Variants in FKBP5 observed in about 807,000 individuals in gnomAD.
FKBP5 encodes FKBP prolyl isomerase 5, also known as peptidyl-prolyl cis-trans isomerase FKBP5.
In FKBP5, 23 loss-of-function variants were observed where a neutral mutation model predicts 50.5. That is an observed-to-expected ratio of 0.46 (90% CI 0.33 to 0.65). FKBP5 has a LOEUF of 0.65. FKBP5 is among the 30% of genes least tolerant of loss of function. The pLI, the probability that FKBP5 is intolerant of heterozygous loss-of-function variation, is 0.02. For synonymous variants in FKBP5, 176 were observed against 190.6 expected (o/e 0.92, Z 0.63); for missense variants, 411 against 553.1 (o/e 0.74, Z 2.58).
chr6:35,586,750 G>C, intron 8 of FKBP5: 1 of 1,318,412 alleles, frequency 7.6e-7, no homozygotes, highest in South Asian at 2.1e-5. Flanking sequence ...AGATGCTTTA[G>C]GAGTGAGTGA....
intron 1 of FKBP5, among the ~76,000 whole-genome samples, chr6:35,650,401 GAA>G (rs200951563): frequency 1.4e-5 from 2 of 138,262 alleles, no homozygotes. Flanking sequence ...CTGGACCATT[GAA>G]AAAAAAAAAA....
intron 8 of FKBP5, chr6:35,582,285 G>T: frequency 1.0e-6 from 1 of 985,340 alleles, no homozygotes; most frequent in Non-Finnish European, 1.2e-6. Context: ...AAATTCTTGA[G>T]GAAATTAGAT....
chr6:35,727,715 G>A (rs1561912548), intron 1 of FKBP5, among the ~76,000 whole-genome samples: 1 of 152,228 alleles, frequency 6.6e-6, no homozygotes, highest in African/African-American at 2.4e-5. Context: ...GGGCTGGCGA[G>A]CTCCAGCTAT....
chr6:35,673,396 A>C (rs1479593643), intron 1 of FKBP5, among the ~76,000 whole-genome samples: 1 of 152,090 alleles, frequency 6.6e-6, no homozygotes, highest in African/African-American at 2.4e-5. Flanking sequence ...CAGAAAATTT[A>C]AAAATTAGCC....
chr6:35,651,714 AT>A (rs1241104396), intron 1 of FKBP5: 1 of 160,764 alleles, frequency 6.2e-6, no homozygotes, highest in African/African-American at 2.4e-5. Context: ...AACTTTTTGA[AT>A]TCTAACATGA....
At chr6:35,727,310 T>A (rs1027327550) in intron 1 of FKBP5, among the ~76,000 whole-genome samples, 2 of 152,198 alleles carry the variant, frequency 1.3e-5, no homozygotes, top group Non-Finnish European at 2.9e-5. Context: ...CACTTAGTGA[T>A]GTCTTTCCAC....
chr6:35,694,874 T>C (rs1766057995), intron 2 of FKBP5, among the ~76,000 whole-genome samples: 1 of 152,182 alleles, frequency 6.6e-6, no homozygotes, highest in Non-Finnish European at 1.5e-5. Context: ...CCAGATAGTA[T>C]ATAGTTTAGA....
chr6:35,660,055 A>C (rs1380084370), intron 1 of FKBP5, among the ~76,000 whole-genome samples: 1 of 83,862 alleles, frequency 1.2e-5, no homozygotes, highest in East Asian at 3.7e-4. Context: ...CACAACCCAC[A>C]TATTCTGATA....
intron 5 of FKBP5, among the ~76,000 whole-genome samples, chr6:35,611,161 CT>C (rs1442687023): frequency 6.6e-6 from 1 of 152,176 alleles, no homozygotes. Context: ...ACTTCATCAA[CT>C]TTACATATTC....
intron 1 of FKBP5, among the ~76,000 whole-genome samples, chr6:35,688,212 C>T (rs1032532500): frequency 2.6e-5 from 4 of 152,210 alleles, no homozygotes; most frequent in Non-Finnish European, 5.9e-5. Flanking sequence ...ACCCGGAGCG[C>T]GGCCACCCCG....
intron 1 of FKBP5, among the ~76,000 whole-genome samples, chr6:35,672,105 T>C (rs1173928658): frequency 6.6e-6 from 1 of 152,166 alleles, no homozygotes; most frequent in Non-Finnish European, 1.5e-5. Context: ...CCTGACCTCA[T>C]GATCCGCCCA....
chr6:35,717,976 C>T (rs1232911920), intron 2 of FKBP5, among the ~76,000 whole-genome samples: 1 of 152,064 alleles, frequency 6.6e-6, no homozygotes, highest in East Asian at 1.9e-4. Context: ...CCCTTCGATT[C>T]CTCCAACGGT....
intron 9 of FKBP5, 149 bp from the exon 10 acceptor site, chr6:35,577,382 C>T (rs2150949184): frequency 1.6e-6 from 1 of 610,852 alleles, no homozygotes; most frequent in East Asian, 2.9e-5. Context: ...TCAAAATTTA[C>T]TACCCAAATT....
At chr6:35,720,264 C>T (rs1388805968) in intron 2 of FKBP5, 2 of 152,648 alleles carry the variant, frequency 1.3e-5, no homozygotes, top group African/African-American at 4.8e-5. Context: ...GGAGGGGTCT[C>T]TGTCCTGATA....
intron 2 of FKBP5, among the ~76,000 whole-genome samples, chr6:35,713,220 G>A (rs1382069964): frequency 6.6e-6 from 1 of 151,946 alleles, no homozygotes; most frequent in African/African-American, 2.4e-5. Flanking sequence ...GGTGAGTGAG[G>A]AGGATGTGGC....
In FKBP5 at chr6:35,611,039, T is replaced by C. The variant is rs139407342; in HGVS notation, c.508+8057A>G. 4.2e-3 allele frequency among the ~76,000 whole-genome samples: 642 copies of C among 152,268 alleles called. 4 individuals are homozygous for C. The highest frequency in any genetic ancestry group is 0.014 in the African/African-American group (592 of 41,578). On this transcript the variant is annotated intron_variant, in intron 5 of 10. Coordinates refer to ENST00000357266, the MANE Select transcript of FKBP5 (RefSeq NM_004117.4). ...TGGGCTCCCTCACACCAGATGACCA[T>C]GAGCTTGGAGTTCCGCCTAAGCCTG...
chr6:35,703,466 T>C (rs1207181820), intron 2 of FKBP5, among the ~76,000 whole-genome samples: 2 of 152,172 alleles, frequency 1.3e-5, no homozygotes, highest in Non-Finnish European at 2.9e-5. Flanking sequence ...TCAAGGTGAT[T>C]GATATCCTAA....
rs1160050987 is a variant in FKBP5 at position 35,702,673 on chromosome 6, C to T, written c.-20+17655G>A. 2.0e-5 allele frequency among the ~76,000 whole-genome samples: 3 copies of T among 151,878 alleles called. No individual in the cohort carries two copies. In the East Asian group the frequency reaches 5.9e-4, roughly 30 times the overall value. ...TTCACCGTGTTAGCCAGGATGGTCT[C>T]GATCTCCTGACCTCGTGATCCACCC... On this transcript the variant is annotated intron_variant, in intron 2 of 11. Coordinates refer to the FKBP5 transcript ENST00000536438.
chr6:35,617,319 T>C (rs577535061), intron 5 of FKBP5, among the ~76,000 whole-genome samples: 1 of 152,198 alleles, frequency 6.6e-6, no homozygotes, highest in African/African-American at 2.4e-5. Flanking sequence ...ATGAACTCTT[T>C]ACTTTTTTTT....
Sources: allele counts gnomAD v4.1 joint callset (sites outside exome capture counted in the v4.1 genomes callset), GRCh38; gene constraint gnomAD v4.1.1; transcripts MANE v1.5; gene names NCBI Gene and HGNC (gene_info 2026-07-23, HGNC 2026-07-21).